SOX6: variants seen among roughly 807,000 people sequenced by gnomAD.
SOX6 encodes transcription factor SOX-6.
A neutral mutation model predicts 97.8 loss-of-function variants in SOX6; 11 were observed. The observed-to-expected ratio is 0.11, with a 90% CI of 0.07 to 0.19. SOX6 has a LOEUF of 0.19. Among genes scored for constraint, SOX6 ranks in the 10% least tolerant of loss-of-function variants. The probability of loss-of-function intolerance (pLI) is 1.00; values close to 1 mark genes in which losing one functional copy is unlikely to be tolerated. For missense variants in SOX6, 810 were observed against 1,039.5 expected (o/e 0.78, Z 3.04); for synonymous variants, 360 against 371.4 (o/e 0.97, Z 0.35).
chr11:16,341,307 C>A, intron 1 of SOX6, 55 bp from the exon 2 acceptor site: 2 of 1,596,662 alleles, frequency 1.3e-6, no homozygotes, highest in Non-Finnish European at 1.7e-6. Flanking sequence ...AAACCATAAA[C>A]CAATCCTTGC....
chr11:16,390,252 G>T (rs1386952984), intron 1 of SOX6, among the ~76,000 whole-genome samples: 1 of 148,728 alleles, frequency 6.7e-6, no homozygotes, highest in Non-Finnish European at 1.5e-5. Context: ...GATTCTCCAG[G>T]TCAGAAAAAA....
intron 4 of SOX6, among the ~76,000 whole-genome samples, chr11:16,229,299 A>G (rs934850945): frequency 1.3e-5 from 2 of 152,152 alleles, no homozygotes; most frequent in Non-Finnish European, 2.9e-5. Context: ...TTCTAGAAAT[A>G]TATTCATAGC....
chr11:16,060,444 G>A (rs1264118889), intron 9 of SOX6, among the ~76,000 whole-genome samples: 1 of 151,846 alleles, frequency 6.6e-6, no homozygotes, highest in Non-Finnish European at 1.5e-5. Flanking sequence ...TGGACAGTAG[G>A]ATATCAGGTA....
intron 9 of SOX6, among the ~76,000 whole-genome samples, chr11:16,084,017 C>T (rs1315626039): frequency 6.6e-6 from 1 of 152,056 alleles, no homozygotes; most frequent in Non-Finnish European, 1.5e-5. Flanking sequence ...ACATTTGTTT[C>T]ATGATTAGTG....
intron 4 of SOX6, among the ~76,000 whole-genome samples, chr11:16,535,423 A>T (rs1486924045): frequency 6.6e-6 from 1 of 152,200 alleles, no homozygotes; most frequent in African/African-American, 2.4e-5. Context: ...CTGTAGTCCC[A>T]GCACTTTGGG....
chr11:16,327,174 G>T (rs192470917), intron 2 of SOX6, among the ~76,000 whole-genome samples: 143 of 152,206 alleles, frequency 9.4e-4, no homozygotes, highest in Non-Finnish European at 1.7e-3. Flanking sequence ...CAAAAGTCAA[G>T]GGAATGGGAA....
At chr11:15,993,615 A>G (rs1043575518) in intron 13 of SOX6, among the ~76,000 whole-genome samples, 14 of 152,220 alleles carry the variant, frequency 9.2e-5, no homozygotes, top group Admixed American at 9.2e-4. Flanking sequence ...AAGGTCCCGT[A>G]TGCCAGGAGA....
intron 6 of SOX6, among the ~76,000 whole-genome samples, chr11:16,171,349 T>A (rs1851033138): frequency 6.6e-6 from 1 of 152,022 alleles, no homozygotes; most frequent in African/African-American, 2.4e-5. Flanking sequence ...AAGCCAGTAT[T>A]GTAGTAGTTT....
intron 4 of SOX6, among the ~76,000 whole-genome samples, chr11:16,566,095 C>CA (rs67916329): frequency 0.17 from 16,983 of 98,504 alleles, 1,244 homozygotes; most frequent in Non-Finnish European, 0.21. Context: ...GACTCCGTCT[C>CA]AAAAAAAAAA....
chr11:16,613,511 G>C lies in SOX6; in HGVS notation n.430-1251C>G, dbSNP rs1193771343. On this transcript the variant is annotated intron_variant and non_coding_transcript_variant, in intron 3 of 5. Transcript: ENST00000524520. This position sits in a 1 kb window ranked among gnomAD's most constrained non-coding sequence, Gnocchi z 4.6. ...GAAGCCCCAGCCCGCTGGGTCGCTC[G>C]GCCTGAGGGCTCAGGTGATGGAGAG... 6.6e-6 allele frequency among the ~76,000 whole-genome samples: 1 copy of C among 152,088 alleles called. No homozygotes were observed. The highest frequency in any genetic ancestry group is 2.4e-5 in the African/African-American group (1 of 41,398).
intron 1 of SOX6, among the ~76,000 whole-genome samples, chr11:16,382,981 G>T (rs1245710997): frequency 6.6e-6 from 1 of 151,790 alleles, no homozygotes; most frequent in Non-Finnish European, 1.5e-5. Context: ...ATAATTTGAA[G>T]TATACATTGA....
intron 4 of SOX6, among the ~76,000 whole-genome samples, chr11:16,503,798 A>G (rs935850103): frequency 3.3e-5 from 5 of 152,156 alleles, no homozygotes; most frequent in African/African-American, 1.2e-4. Flanking sequence ...TAATCCCAGC[A>G]CTTTGGGAGG....
chr11:16,422,842 T>C (rs1859045556), intron 1 of SOX6, among the ~76,000 whole-genome samples: 3 of 152,246 alleles, frequency 2.0e-5, no homozygotes, highest in Admixed American at 6.5e-5. Flanking sequence ...TATGTATTCA[T>C]AGTATGTACC....
intron 4 of SOX6, among the ~76,000 whole-genome samples, chr11:16,212,792 G>A (rs577386870): frequency 1.3e-5 from 2 of 152,044 alleles, no homozygotes; most frequent in South Asian, 4.2e-4. Context: ...TCTTTAATTT[G>A]CATTTCCCTA....
At chr11:16,712,155 G>A (rs1848186423) in intron 3 of SOX6, among the ~76,000 whole-genome samples, 1 of 151,574 alleles carries the variant, frequency 6.6e-6, no homozygotes, top group Admixed American at 6.6e-5. Context: ...TGAGTGATGG[G>A]CATTTGGGTT....
chr11:16,385,165 A>G (rs1237251898), intron 1 of SOX6, among the ~76,000 whole-genome samples: 1 of 152,092 alleles, frequency 6.6e-6, no homozygotes. Context: ...ACAGTCACAC[A>G]GTTAATCTGT....
At chr11:16,130,756 T>C in intron 6 of SOX6, among the ~76,000 whole-genome samples, 1 of 152,008 alleles carries the variant, frequency 6.6e-6, no homozygotes, top group Admixed American at 6.5e-5. Flanking sequence ...ATTAGGATGG[T>C]ATTGGTTTAA....
At chr11:16,412,495 G>A (rs1293721173) in intron 1 of SOX6, among the ~76,000 whole-genome samples, 1 of 152,048 alleles carries the variant, frequency 6.6e-6, no homozygotes, top group Non-Finnish European at 1.5e-5. Context: ...TTTGTCGGTT[G>A]GGCACTATGG....
At chr11:15,974,360 T>G (rs1385756193) in intron 15 of SOX6, among the ~76,000 whole-genome samples, 1 of 150,422 alleles carries the variant, frequency 6.6e-6, no homozygotes. Flanking sequence ...TTTTTTTGTT[T>G]TTTTCTGTTA....
Sources: allele counts gnomAD v4.1 joint callset (sites outside exome capture counted in the v4.1 genomes callset), GRCh38; gene constraint gnomAD v4.1.1; non-coding constraint Gnocchi (gnomAD v3.1); transcripts MANE v1.5; gene names NCBI Gene and HGNC (gene_info 2026-07-23, HGNC 2026-07-21).